Variants in MATN2 observed in about 807,000 individuals in gnomAD.
MATN2 encodes the protein matrilin 2, also known as matrilin-2.
MATN2 carries 69 observed loss-of-function variants against 103.2 expected under a neutral mutation model. The ratio of observed to expected loss-of-function variants is 0.67; its 90% confidence interval spans 0.55 to 0.82. The LOEUF (loss-of-function observed/expected upper bound fraction) is 0.82, where lower values mean the gene tolerates loss of function less well. MATN2 is among the 40% of genes least tolerant of loss of function. The pLI, the probability that MATN2 is intolerant of heterozygous loss-of-function variation, is 0.00. For missense variants in MATN2, 1,023 were observed against 1,211.5 expected (o/e 0.84, Z 2.31); for synonymous variants, 429 against 450.2 (o/e 0.95, Z 0.60).
At chr8:97,992,399 T>C (rs1812420687) in intron 6 of MATN2, among the ~76,000 whole-genome samples, 1 of 152,208 alleles carries the variant, frequency 6.6e-6, no homozygotes, top group Non-Finnish European at 1.5e-5. Flanking sequence ...TTATATTGTT[T>C]ATAAAGACTC....
intron 2 of MATN2, among the ~76,000 whole-genome samples, chr8:97,906,997 C>CTTTT (rs61459656): frequency 1.9e-4 from 22 of 116,128 alleles, no homozygotes; most frequent in African/African-American, 5.6e-4. Context: ...CCATAGCTGA[C>CTTTT]TTTTTTTTTT....
chr8:97,958,746 C>T (rs565120900), intron 4 of MATN2, among the ~76,000 whole-genome samples: 10 of 152,250 alleles, frequency 6.6e-5, no homozygotes, highest in East Asian at 3.9e-4. Context: ...CTTATCCTTC[C>T]GAAGCACAAC....
intron 2 of MATN2, among the ~76,000 whole-genome samples, chr8:97,893,245 A>G (rs1306184309): frequency 6.6e-6 from 1 of 152,200 alleles, no homozygotes; most frequent in Non-Finnish European, 1.5e-5. Flanking sequence ...CCTCCAGGCC[A>G]CAACGCTGGC....
chr8:97,931,656 C>A lies in MATN2; in HGVS notation c.712+134C>A. On this transcript the variant is annotated intron_variant, in intron 3 of 18. Transcript: ENST00000254898. This position sits in a 1 kb window ranked among gnomAD's most constrained non-coding sequence, Gnocchi z 4.1. The stretch of plus-strand genomic sequence containing the variant: ...GGTTTTCAACAAAGGCCAAGATAAA[C>A]ACAACGTGCTCCAGGGGCTTACACT... 1 of 800,682 alleles carries A rather than the reference C, an allele frequency of 1.2e-6. No homozygotes were observed. Among genetic ancestry groups the A allele is most frequent in the African/African-American group, 1.7e-5 (1 of 57,704 alleles). The allele number at this position is 800,682 out of a possible 1,614,324, so 49.6% of individuals were successfully genotyped here. A position where few individuals can be genotyped will look rare whatever the true frequency, so the allele number is the denominator to read the frequency against.
At chr8:97,879,214 G>C (rs1463687036) in intron 1 of MATN2, among the ~76,000 whole-genome samples, 2 of 152,158 alleles carry the variant, frequency 1.3e-5, no homozygotes, top group Non-Finnish European at 2.9e-5. Flanking sequence ...TGTGAGCTGA[G>C]GCTTGAGGAC....
chr8:97,992,907 G>A (rs1412747856), intron 6 of MATN2, among the ~76,000 whole-genome samples: 3 of 149,176 alleles, frequency 2.0e-5, no homozygotes, highest in Non-Finnish European at 3.0e-5. Flanking sequence ...GCGATGGAGC[G>A]AGACTCTGTC....
intron 1 of MATN2, among the ~76,000 whole-genome samples, chr8:97,871,587 T>A (rs1455282305): frequency 6.6e-6 from 1 of 152,210 alleles, no homozygotes; most frequent in African/African-American, 2.4e-5. Flanking sequence ...TTAAAGCATA[T>A]GGCAAGATAA....
intron 2 of MATN2, among the ~76,000 whole-genome samples, chr8:97,899,897 G>A (rs1357198071): frequency 6.6e-6 from 1 of 152,196 alleles, no homozygotes; most frequent in Non-Finnish European, 1.5e-5. Flanking sequence ...ACTTCAGGGT[G>A]ATATGAGAAA....
At chr8:97,878,720 G>A (rs997196297) in intron 1 of MATN2, among the ~76,000 whole-genome samples, 7 of 151,944 alleles carry the variant, frequency 4.6e-5, no homozygotes, top group Admixed American at 2.0e-4. Context: ...GCATGGTGGC[G>A]GGTGCCTGTA....
Position 98,027,473 on chromosome 8 carries a change from G to C in MATN2, c.2000G>C (p.Gly667Ala), listed in dbSNP as rs1255279963. The change falls in exon 14 of 19, where the codon GGA becomes GCA. Residue 667 changes from glycine to alanine, a missense_variant. Gly to Ala is a moderately conservative substitution (Grantham distance 60, BLOSUM62 0). Coordinates refer to ENST00000254898, the MANE Select transcript of MATN2 (RefSeq NM_002380.5). ...VFVIDGSKSL[G>A]EENFEVVKQF... ...GTGATCGATGGATCCAAGAGTCTTG[G>C]AGAAGAGAATTTTGAGGTCGTGAAG... is the stretch of plus-strand genomic sequence containing the variant. 3 of 1,613,860 alleles carry C rather than the reference G, an allele frequency of 1.9e-6. No homozygotes were observed. Among genetic ancestry groups the C allele is most frequent in the Non-Finnish European group, 1.7e-6 (2 of 1,179,836 alleles).
chr8:98,032,985 T>C, intron 16 of MATN2, 57 bp from the exon 17 acceptor site: 3 of 1,538,864 alleles, frequency 1.9e-6, no homozygotes, highest in Non-Finnish European at 2.6e-6. Flanking sequence ...TGCTGATGGC[T>C]GTTTTATAAC....
chr8:97,924,477 A>C (rs17828957), intron 2 of MATN2, among the ~76,000 whole-genome samples: 1 of 151,982 alleles, frequency 6.6e-6, no homozygotes, highest in Non-Finnish European at 1.5e-5. Flanking sequence ...TCTGAAATCA[A>C]TTTTCCTGGG....
Position 98,033,583 on chromosome 8 carries a change from C to G in MATN2, c.2739C>G (p.His913Gln). The G allele has an allele frequency of 1.3e-6, 2 of 1,596,878 alleles. No homozygotes were observed. Among genetic ancestry groups the G allele is most frequent in the South Asian group, 1.2e-5 (1 of 86,904 alleles). The change falls in exon 18 of 19, where the codon CAC becomes CAG. Residue 913 changes from histidine to glutamine, a missense_variant. Physicochemically the swap from His to Gln is conservative, Grantham distance 24. Coordinates refer to ENST00000254898, the MANE Select transcript of MATN2 (RefSeq NM_002380.5). ...KPSGSPLEEK[H>Q]DQCKCENLIM... is the part of the protein sequence containing the mutation. ...CAGGAAGCCCTTTGGAAGAAAAACACGATCAATGCAAATGTGAAAACCTTA... is the reference window on the plus strand; with the variant it reads ...CAGGAAGCCCTTTGGAAGAAAAACAGGATCAATGCAAATGTGAAAACCTTA...
At position 97,875,702 on chromosome 8, in the gene MATN2, T is replaced by G. The variant is rs558956389; in HGVS notation, c.-27+6415T>G. 4.5e-4 allele frequency among the ~76,000 whole-genome samples: 60 copies of G among 134,748 alleles called. 1 individual carries two copies. The East Asian group carries it at 0.012, about 28-fold the overall frequency. 88.4% of individuals were successfully genotyped at this position (134,748 alleles called of 152,430 possible). ...AGAGTATTTGCCTGTTTTTTTTTTT[T>G]TTTTTTTTTTTGAGGTGGAGTCTCA... On this transcript the variant is annotated intron_variant, in intron 1 of 18. Coordinates refer to ENST00000254898, the MANE Select transcript of MATN2 (RefSeq NM_002380.5).
chr8:97,889,551 C>A (rs1211285425), intron 2 of MATN2, among the ~76,000 whole-genome samples: 1 of 149,800 alleles, frequency 6.7e-6, no homozygotes, highest in Non-Finnish European at 1.5e-5. Context: ...TCAAGCACAT[C>A]TCCCACCACA....
chr8:97,898,317 C>T (rs776034325), intron 2 of MATN2, among the ~76,000 whole-genome samples: 10 of 152,102 alleles, frequency 6.6e-5, no homozygotes, highest in African/African-American at 2.2e-4. Context: ...TGATGACGGC[C>T]GGGTGCGGTG....
intron 14 of MATN2, among the ~76,000 whole-genome samples, chr8:98,029,971 T>G (rs1813949375): frequency 6.6e-6 from 1 of 152,202 alleles, no homozygotes; most frequent in Admixed American, 6.5e-5. Context: ...TAGCACTTCC[T>G]CACAAAGTTG....
chr8:97,954,109 C>T (rs1055869339), intron 4 of MATN2, among the ~76,000 whole-genome samples: 1 of 152,278 alleles, frequency 6.6e-6, no homozygotes, highest in Non-Finnish European at 1.5e-5. Context: ...TACTTGAAGT[C>T]GTTACCCAGC....
In MATN2 at chr8:97,876,223, C is replaced by G. The variant is rs535009622; in HGVS notation, c.-27+6936C>G. Among the ~76,000 whole-genome samples, 299 of 136,682 alleles carry G rather than the reference C, an allele frequency of 2.2e-3. 2 individuals carry two copies. The highest frequency in any genetic ancestry group is 8.1e-3 in the African/African-American group (286 of 35,312). The allele number at this position is 136,682 out of a possible 152,430, so 89.7% of individuals were successfully genotyped here. A position where few individuals can be genotyped will look rare whatever the true frequency, so the allele number is the denominator to read the frequency against. On this transcript the variant is annotated intron_variant, in intron 1 of 18. Coordinates refer to ENST00000254898, the MANE Select transcript of MATN2 (RefSeq NM_002380.5). ...TTTTTTTTTGAGACAGAGTTTCGCT[C>G]TTGTCACCCAGGCTGGAGTGCAATG...
Sources: allele counts gnomAD v4.1 joint callset (sites outside exome capture counted in the v4.1 genomes callset), GRCh38; gene constraint gnomAD v4.1.1; non-coding constraint Gnocchi (gnomAD v3.1); transcripts MANE v1.5; gene names NCBI Gene and HGNC (gene_info 2026-07-23, HGNC 2026-07-21).